The following SGK1 variants were observed in gnomAD, a reference collection of about 807,000 sequenced individuals.
SGK1 encodes the protein serum/glucocorticoid regulated kinase 1.
A neutral mutation model predicts 64.2 loss-of-function variants in SGK1; 26 were observed. That is an observed-to-expected ratio of 0.40 (90% CI 0.30 to 0.56). The LOEUF (loss-of-function observed/expected upper bound fraction) is 0.56. Ranked by LOEUF, SGK1 falls within the 20% of genes least tolerant of loss-of-function variation. The pLI, the probability that SGK1 is intolerant of heterozygous loss-of-function variation, is 0.38. For missense variants in SGK1, 519 were observed against 645.6 expected (o/e 0.80, Z 2.12); for synonymous variants, 265 against 239.7 (o/e 1.11, Z -0.98).
At chr6:134,172,919 G>T (rs1775078389) in intron 8 of SGK1, 104 bp downstream of exon 8, 9 of 1,363,480 alleles carry the variant, frequency 6.6e-6, no homozygotes, top group South Asian at 3.9e-5. Context: ...GCTAATTCTG[G>T]TAACATTCTC....
intron 1 of SGK1, chr6:134,283,261 C>A (rs1259916986): frequency 6.6e-6 from 1 of 151,358 alleles, no homozygotes; most frequent in African/African-American, 2.5e-5. Flanking sequence ...GAGGCTGAGG[C>A]GGGTAGATCA....
chr6:134,181,280 C>T (rs185124922), intron 3 of SGK1, among the ~76,000 whole-genome samples: 99 of 152,316 alleles, frequency 6.5e-4, no homozygotes, highest in Middle Eastern at 3.4e-3. Context: ...TAAAGTGAAA[C>T]CTGAAAGCTT....
intron 2 of SGK1, among the ~76,000 whole-genome samples, chr6:134,248,992 A>G (rs527433285): frequency 6.6e-6 from 1 of 152,196 alleles, no homozygotes; most frequent in Non-Finnish European, 1.5e-5. Context: ...TCGTGGTTTC[A>G]GGCTCCTCTT....
chr6:134,220,225 G>C (rs531400241), intron 2 of SGK1, among the ~76,000 whole-genome samples: 2 of 152,162 alleles, frequency 1.3e-5, no homozygotes, highest in East Asian at 3.9e-4. Context: ...TTGATTTGTA[G>C]GAGTCAAATT....
chr6:134,298,527 GC>G, intron 1 of SGK1: 3 of 802,494 alleles, frequency 3.7e-6, no homozygotes, highest in Non-Finnish European at 4.4e-6. Flanking sequence ...CATGCCGCTG[GC>G]CCCACCATAG....
At chr6:134,186,451 G>T (rs1206582106) in intron 3 of SGK1, among the ~76,000 whole-genome samples, 1 of 152,188 alleles carries the variant, frequency 6.6e-6, no homozygotes, top group Non-Finnish European at 1.5e-5. Flanking sequence ...AGAGAAGAAT[G>T]AAAACAAAGA....
At chr6:134,197,906 A>T (rs202192894) in intron 3 of SGK1, among the ~76,000 whole-genome samples, 2 of 29,530 alleles carry the variant, frequency 6.8e-5, no homozygotes, top group African/African-American at 2.5e-4. Flanking sequence ...TAAAATATAA[A>T]ATAAAATAAA....
At chr6:134,312,755 A>T (rs1777624815) in intron 1 of SGK1, among the ~76,000 whole-genome samples, 1 of 151,364 alleles carries the variant, frequency 6.6e-6, no homozygotes. Flanking sequence ...TACCTATCTC[A>T]GGTATTTTTA....
intron 1 of SGK1, among the ~76,000 whole-genome samples, chr6:134,279,404 G>A (rs1253425502): frequency 1.3e-5 from 2 of 148,692 alleles, no homozygotes; most frequent in Non-Finnish European, 3.0e-5. Flanking sequence ...GCACTCCAAC[G>A]TGGGCAATAG....
intron 1 of SGK1, chr6:134,298,628 G>A: frequency 1.1e-5 from 14 of 1,298,720 alleles, no homozygotes; most frequent in Non-Finnish European, 1.5e-5. Context: ...TCGTGTAGGA[G>A]CGGCTGCTGA....
intron 1 of SGK1, among the ~76,000 whole-genome samples, chr6:134,284,372 G>C (rs1023973689): frequency 7.2e-5 from 11 of 152,182 alleles, no homozygotes; most frequent in Admixed American, 2.6e-4. Flanking sequence ...TGGGATTAAA[G>C]GCCTGAGCCA....
chr6:134,201,209 C>T lies in SGK1; in HGVS notation c.361+6147G>A, dbSNP rs1224805960. Among the ~76,000 whole-genome samples the T allele has an allele frequency of 6.0e-5, 9 of 150,412 alleles. No homozygotes were observed. The South Asian group carries it at 1.1e-3, about 18-fold the overall frequency. On this transcript the variant is annotated intron_variant, in intron 3 of 13. Transcript: ENST00000367858. ...CTGCATAACTGGGACTACAGGTGCCCGTCACCATGCCCAGCTAATTTTTTG... is the reference window on the plus strand; with the variant it reads ...CTGCATAACTGGGACTACAGGTGCCTGTCACCATGCCCAGCTAATTTTTTG...
chr6:134,210,998 G>A (rs867683915), intron 2 of SGK1, among the ~76,000 whole-genome samples: 48 of 151,046 alleles, frequency 3.2e-4, no homozygotes, highest in Admixed American at 2.7e-3. Flanking sequence ...GGGGGCACAC[G>A]CCTGTAATCC....
At chr6:134,204,071 GA>G (rs771749391) in intron 3 of SGK1, among the ~76,000 whole-genome samples, 1,094 of 108,616 alleles carry the variant, frequency 0.01, 9 homozygotes, top group African/African-American at 0.031. Flanking sequence ...CTCCACCTCA[GA>G]AAAAAAAAAA....
intron 1 of SGK1, among the ~76,000 whole-genome samples, chr6:134,276,037 A>G (rs1450727235): frequency 3.3e-5 from 5 of 152,174 alleles, no homozygotes; most frequent in Non-Finnish European, 5.9e-5. Flanking sequence ...TGGGACATTT[A>G]TAATTTCTTC....
In SGK1 at chr6:134,170,382, G is replaced by A; in HGVS notation, c.1467C>T (p.Val489=). The A allele has an allele frequency of 1.2e-6, 2 of 1,614,106 alleles. No homozygotes were observed. Among genetic ancestry groups the A allele is most frequent in the South Asian group, 1.1e-5 (1 of 91,074 alleles). The change falls in exon 14 of 14, where the codon GTC becomes GTT. Residue 489 remains valine (V), a synonymous_variant. Transcript: ENST00000367858. The part of the protein sequence containing the change: ...HFDPEFTEEP[V]PNSIGKSPDS... ...CAGGGGACTTGCCAATGGAGTTGGGGACAGGCTCTTCGGTAAACTCGGGGT... is the reference window on the plus strand; with the variant it reads ...CAGGGGACTTGCCAATGGAGTTGGGAACAGGCTCTTCGGTAAACTCGGGGT...
chr6:134,183,949 T>G (rs1483697539), intron 3 of SGK1, among the ~76,000 whole-genome samples: 1 of 148,876 alleles, frequency 6.7e-6, no homozygotes, highest in Non-Finnish European at 1.5e-5. Flanking sequence ...TTGAGTTCCC[T>G]GAAGGCCAGG....
intron 2 of SGK1, among the ~76,000 whole-genome samples, chr6:134,251,265 C>T (rs1318935037): frequency 6.6e-6 from 1 of 152,084 alleles, no homozygotes; most frequent in Non-Finnish European, 1.5e-5. Context: ...TTAAACTTTG[C>T]TTATCCCTTA....
intron 2 of SGK1, among the ~76,000 whole-genome samples, chr6:134,242,030 G>C (rs191180976): frequency 6.6e-6 from 1 of 152,302 alleles, no homozygotes; most frequent in Non-Finnish European, 1.5e-5. Context: ...AGTCCCAGAG[G>C]AAAGGGAGAG....
Sources: gnomAD v4.1 joint callset for allele counts (sites outside exome capture counted in the v4.1 genomes callset) on GRCh38, gnomAD v4.1.1 for gene constraint, MANE v1.5 for transcripts, NCBI Gene and HGNC (gene_info 2026-07-23, HGNC 2026-07-21) for gene names.